Variants in EDA observed in about 807,000 individuals in gnomAD.
EDA encodes ectodysplasin A, also known as ectodysplasin-A.
In EDA, 2 loss-of-function variants were observed where a neutral mutation model predicts 23.6. That is an observed-to-expected ratio of 0.08 (90% CI 0.03 to 0.27). The LOEUF (loss-of-function observed/expected upper bound fraction) is 0.27. Among genes scored for constraint, EDA ranks in the 10% least tolerant of loss-of-function variants. EDA has a pLI of 1.00. For missense variants in EDA, 229 were observed against 324.2 expected, an observed-to-expected ratio of 0.71 and a Z score of 2.26; for synonymous variants, 131 against 132.0, an observed-to-expected ratio of 0.99 and a Z score of 0.05.
intron 1 of EDA, among the ~76,000 whole-genome samples, chrX:69,921,646 T>G (rs1396070781): frequency 1.8e-5 from 2 of 110,983 alleles, no homozygotes; most frequent in Non-Finnish European, 3.8e-5. Context: ...ATGGTTCCTT[T>G]TGTCTTTAGT....
intron 1 of EDA, among the ~76,000 whole-genome samples, chrX:69,774,479 T>C (rs2014723462): frequency 8.9e-6 from 1 of 112,005 alleles, no homozygotes; most frequent in Non-Finnish European, 1.9e-5. Flanking sequence ...ACTGGACTCA[T>C]TTTACTTGTT....
chrX:69,853,316 A>G (rs1396854568), intron 1 of EDA, among the ~76,000 whole-genome samples: 1 of 111,864 alleles, frequency 8.9e-6, no homozygotes, highest in East Asian at 2.8e-4. Flanking sequence ...ACAGATGAAG[A>G]GAGAATGAGG....
At chrX:69,864,437 G>A (rs778006301) in intron 1 of EDA, among the ~76,000 whole-genome samples, 159 of 111,538 alleles carry the variant, frequency 1.4e-3, no homozygotes, top group Non-Finnish European at 2.3e-3. Context: ...GGAGCACCTC[G>A]TAGGACAAAA....
chrX:69,853,275 T>A (rs889388365), intron 1 of EDA, among the ~76,000 whole-genome samples: 3 of 111,740 alleles, frequency 2.7e-5, no homozygotes, highest in African/African-American at 9.7e-5. Context: ...ATCATTAAAA[T>A]TAGAAATTCC....
intron 2 of EDA, among the ~76,000 whole-genome samples, chrX:70,014,828 T>C (rs1009756519): frequency 4.5e-5 from 5 of 112,117 alleles, no homozygotes; most frequent in African/African-American, 1.3e-4. Context: ...TCTCACAGAC[T>C]GGTTCTCCAA....
At chrX:69,655,464 C>T (rs180966823) in intron 1 of EDA, among the ~76,000 whole-genome samples, 1 of 109,533 alleles carries the variant, frequency 9.1e-6, no homozygotes, top group East Asian at 2.9e-4. Flanking sequence ...TATGCGGAGA[C>T]CTTATGATTG....
At chrX:69,942,619 T>C (rs1295744132) in intron 1 of EDA, among the ~76,000 whole-genome samples, 2 of 111,586 alleles carry the variant, frequency 1.8e-5, no homozygotes, top group African/African-American at 6.5e-5. Flanking sequence ...GCTTTCAGGA[T>C]CCTTTCTTTA....
intron 1 of EDA, among the ~76,000 whole-genome samples, chrX:69,839,260 C>T (rs1602470249): frequency 8.9e-6 from 1 of 111,913 alleles, no homozygotes; most frequent in Non-Finnish European, 1.9e-5. Context: ...ATCTATTCTC[C>T]CTTCTTAGAA....
intron 1 of EDA, among the ~76,000 whole-genome samples, chrX:69,931,092 C>T (rs1220606605): frequency 3.6e-5 from 4 of 110,860 alleles, no homozygotes; most frequent in Non-Finnish European, 7.6e-5. Context: ...AGTTGGAGGA[C>T]CTATGCTACC....
chrX:69,711,862 C>G (rs1483482579), intron 1 of EDA, among the ~76,000 whole-genome samples: 1 of 110,892 alleles, frequency 9.0e-6, no homozygotes, highest in African/African-American at 3.3e-5. Context: ...TTTTTTATTG[C>G]GTCTATTTGA....
intron 1 of EDA, among the ~76,000 whole-genome samples, chrX:69,713,497 C>T (rs1026639795): frequency 9.0e-6 from 1 of 111,603 alleles, no homozygotes; most frequent in Admixed American, 9.5e-5. Flanking sequence ...CTTTTATAAA[C>T]ACACCCGCTG....
At chrX:69,630,930 G>A (rs778465382) in intron 1 of EDA, among the ~76,000 whole-genome samples, 2 of 111,774 alleles carry the variant, frequency 1.8e-5, no homozygotes, top group Non-Finnish European at 3.8e-5. Flanking sequence ...CCAGGTCTGC[G>A]TTTAGTTATT....
intron 1 of EDA, among the ~76,000 whole-genome samples, chrX:69,798,388 A>G (rs769562567): frequency 1.8e-5 from 2 of 111,948 alleles, no homozygotes; most frequent in African/African-American, 6.5e-5. Flanking sequence ...CATGTGGAAC[A>G]TTCTCCAGGA....
At chrX:69,920,086 C>T (rs1052490811) in intron 1 of EDA, among the ~76,000 whole-genome samples, 1 of 111,161 alleles carries the variant, frequency 9.0e-6, no homozygotes, top group African/African-American at 3.3e-5. Flanking sequence ...TGATCCCAGT[C>T]TAGAAATACC....
At chrX:69,829,480 T>C (rs1340398484) in intron 1 of EDA, among the ~76,000 whole-genome samples, 1 of 112,357 alleles carries the variant, frequency 8.9e-6, no homozygotes, top group African/African-American at 3.2e-5. Flanking sequence ...AACTGGAGCA[T>C]TCATGGAAAA....
At chrX:69,812,424 T>C (rs974475804) in intron 1 of EDA, among the ~76,000 whole-genome samples, 1 of 112,888 alleles carries the variant, frequency 8.9e-6, no homozygotes, top group Non-Finnish European at 1.9e-5. Flanking sequence ...ACTTGTATTC[T>C]GTACCACAAA....
intron 1 of EDA, among the ~76,000 whole-genome samples, chrX:69,761,586 A>G (rs1322165192): frequency 1.8e-5 from 2 of 111,676 alleles, no homozygotes; most frequent in East Asian, 5.6e-4. Context: ...TATTGACATA[A>G]TATTATCAGA....
intron 1 of EDA, among the ~76,000 whole-genome samples, chrX:69,789,531 C>T (rs765536023): frequency 4.0e-4 from 45 of 112,052 alleles, no homozygotes; most frequent in African/African-American, 1.4e-3. Flanking sequence ...CCACGGTCAC[C>T]ATTCTGTTAA....
At chrX:69,842,752 A>T (rs1459228183) in intron 1 of EDA, among the ~76,000 whole-genome samples, 1 of 111,869 alleles carries the variant, frequency 8.9e-6, no homozygotes, top group Non-Finnish European at 1.9e-5. Context: ...GTTCAGCAGC[A>T]TCCCCTTGGT....
Sources: gnomAD v4.1 joint callset for allele counts (sites outside exome capture counted in the v4.1 genomes callset) on GRCh38, gnomAD v4.1.1 for gene constraint, MANE v1.5 for transcripts, NCBI Gene and HGNC (gene_info 2026-07-23, HGNC 2026-07-21) for gene names.